GALNT2: variants seen among roughly 807,000 people sequenced by gnomAD.
GALNT2 encodes the protein polypeptide N-acetylgalactosaminyltransferase 2.
Under a neutral mutation model 81.4 loss-of-function variants are expected in GALNT2, and 31 were observed. The observed-to-expected ratio is 0.38, with a 90% confidence interval of 0.29 to 0.51. The LOEUF is 0.51. Ranked by LOEUF, GALNT2 falls within the 20% of genes least tolerant of loss-of-function variation. The pLI, the probability that GALNT2 is intolerant of heterozygous loss-of-function variation, is 0.87. For synonymous variants in GALNT2, 303 were observed against 287.4 expected (o/e 1.05, Z -0.55); for missense variants, 629 against 765.7 (o/e 0.82, Z 2.11).
At chr1:230,168,844 A>T (rs751166830) in intron 1 of GALNT2, among the ~76,000 whole-genome samples, 3 of 152,224 alleles carry the variant, frequency 2.0e-5, no homozygotes, top group Non-Finnish European at 4.4e-5. Context: ...TATGTTATTA[A>T]CTAAAGTTCT....
intron 1 of GALNT2, among the ~76,000 whole-genome samples, chr1:230,075,829 C>T (rs949559471): frequency 5.9e-5 from 9 of 152,100 alleles, no homozygotes; most frequent in Non-Finnish European, 1.0e-4. Context: ...GTGGTGATCA[C>T]GTAGGCTCAT....
intron 3 of GALNT2, among the ~76,000 whole-genome samples, chr1:230,203,577 TATATTTAGTG>T (rs2102707334): frequency 6.6e-6 from 1 of 152,336 alleles, no homozygotes; most frequent in South Asian, 2.1e-4. Context: ...TGACTGGCTT[TATATTTAGTG>T]ATCACTTGTT....
At chr1:230,076,612 C>T (rs979121211) in intron 1 of GALNT2, among the ~76,000 whole-genome samples, 1 of 152,156 alleles carries the variant, frequency 6.6e-6, no homozygotes. Context: ...GATGTGACTT[C>T]ATGGCCAATC....
At chr1:230,097,039 G>T (rs770336809) in intron 1 of GALNT2, among the ~76,000 whole-genome samples, 2 of 152,148 alleles carry the variant, frequency 1.3e-5, no homozygotes, top group Non-Finnish European at 2.9e-5. Flanking sequence ...AAGAGGGGGT[G>T]CACGGTGACA....
chr1:230,204,243 ACCTCTACT>A (rs1169274974), intron 3 of GALNT2, among the ~76,000 whole-genome samples: 1 of 151,282 alleles, frequency 6.6e-6, no homozygotes, highest in Non-Finnish European at 1.5e-5. Flanking sequence ...GCTCACTGCA[ACCTCTACT>A]CCTCTACTTC....
chr1:230,110,786 A>T lies in GALNT2; in HGVS notation c.126+43380A>T, dbSNP rs545407087. 2.7e-5 allele frequency among the ~76,000 whole-genome samples: 4 copies of T among 149,672 alleles called. No individual in the cohort carries two copies. The East Asian group carries it at 7.9e-4, about 30-fold the overall frequency. ...GTAAAAAGAGACTGGGAATGCAAAT[A>T]CATTGAGCATGAGTTGAGAGGAGTT... On this transcript the variant is annotated intron_variant, in intron 1 of 15. Coordinates refer to ENST00000366672, the MANE Select transcript of GALNT2 (RefSeq NM_004481.5).
rs141971454 is a variant in GALNT2, at chr1:230,227,533, C to CTATA, written c.375-8471_375-8468dup. On this transcript the variant is annotated intron_variant, in intron 3 of 15. Coordinates refer to ENST00000366672, the MANE Select transcript of GALNT2 (RefSeq NM_004481.5). Reference sequence around the variant, plus strand: ...CAGCTATATATGCTATATAATACAGCTATATATATATATGCTATATAATAC... The same window carrying CTATA: ...CAGCTATATATGCTATATAATACAGCTATATATATATATATATGCTATATAATAC... 4.0e-4 allele frequency among the ~76,000 whole-genome samples: 58 copies of CTATA among 144,448 alleles called. No homozygotes were observed. The East Asian group carries it at 7.2e-3, about 18-fold the overall frequency. 94.8% of individuals were successfully genotyped at this position (144,448 alleles called of 152,430 possible).
intron 1 of GALNT2, among the ~76,000 whole-genome samples, chr1:230,159,709 C>T (rs72651035): frequency 3.3e-5 from 5 of 152,224 alleles, no homozygotes; most frequent in Non-Finnish European, 5.9e-5. Context: ...GACTGCATGT[C>T]TCATGCAGGC....
At chr1:230,140,465 A>T (rs558727665) in intron 1 of GALNT2, among the ~76,000 whole-genome samples, 3 of 152,172 alleles carry the variant, frequency 2.0e-5, no homozygotes, top group African/African-American at 7.2e-5. Context: ...TCCCTGTCCT[A>T]CTGAGGGGAT....
chr1:230,079,187 A>G (rs548335317), intron 1 of GALNT2, among the ~76,000 whole-genome samples: 2 of 152,344 alleles, frequency 1.3e-5, no homozygotes, highest in East Asian at 3.9e-4. Flanking sequence ...TTGATGCTAA[A>G]GGCTATTTTA....
At chr1:230,141,704 G>T (rs554437010) in intron 1 of GALNT2, among the ~76,000 whole-genome samples, 3 of 151,938 alleles carry the variant, frequency 2.0e-5, no homozygotes, top group Admixed American at 6.6e-5. Flanking sequence ...TGGACACGTG[G>T]GTCCTTATGG....
At chr1:230,216,685 C>T (rs1664398961) in intron 3 of GALNT2, among the ~76,000 whole-genome samples, 1 of 152,208 alleles carries the variant, frequency 6.6e-6, no homozygotes, top group Admixed American at 6.5e-5. Flanking sequence ...GCCTTTACCT[C>T]CCAAAGTGCT....
At chr1:230,278,910 T>C (rs1666363812) in intron 15 of GALNT2, among the ~76,000 whole-genome samples, 1 of 152,190 alleles carries the variant, frequency 6.6e-6, no homozygotes, top group South Asian at 2.1e-4. Context: ...CTGCATTGTG[T>C]GGATCCCTTC....
chr1:230,092,176 G>GTTTTTTTTTTTTTTTTTTTT (rs1553311874), intron 1 of GALNT2: 2 of 42,264 alleles, frequency 4.7e-5, no homozygotes, highest in African/African-American at 1.1e-4. Context: ...TATTCCTTTA[G>GTTTTTTTTTTTTTTTTTTTT]TTTTTTTTTT....
chr1:230,268,809 AC>A (rs1195245827), intron 14 of GALNT2, among the ~76,000 whole-genome samples: 2 of 151,376 alleles, frequency 1.3e-5, no homozygotes, highest in Non-Finnish European at 2.9e-5. Context: ...TGTGGCCCTC[AC>A]CCCCCGGTCC....
chr1:230,161,628 C>T (rs1662440737), intron 1 of GALNT2, among the ~76,000 whole-genome samples: 1 of 152,168 alleles, frequency 6.6e-6, no homozygotes. Context: ...GGAGCACAGG[C>T]TTCAAAGTCC....
At chr1:230,233,102 T>TGC (rs1664918285) in intron 3 of GALNT2, among the ~76,000 whole-genome samples, 1 of 152,236 alleles carries the variant, frequency 6.6e-6, no homozygotes, top group South Asian at 2.1e-4. Context: ...TCTCTGAAGG[T>TGC]GCGGCCATTG....
intron 3 of GALNT2, among the ~76,000 whole-genome samples, chr1:230,228,702 A>C (rs574287294): frequency 6.6e-6 from 1 of 152,030 alleles, no homozygotes; most frequent in Admixed American, 6.5e-5. Flanking sequence ...ACTCTGCAGT[A>C]ACGCTTCATG....
chr1:230,156,064 T>C (rs1392768233), intron 1 of GALNT2, among the ~76,000 whole-genome samples: 1 of 151,870 alleles, frequency 6.6e-6, no homozygotes, highest in Non-Finnish European at 1.5e-5. Flanking sequence ...GTAAAGCTTT[T>C]GTGTTTTTAG....
Sources: gnomAD v4.1 joint callset for allele counts (sites outside exome capture counted in the v4.1 genomes callset) on GRCh38, gnomAD v4.1.1 for gene constraint, MANE v1.5 for transcripts, NCBI Gene and HGNC (gene_info 2026-07-23, HGNC 2026-07-21) for gene names.